The following CFAP61 variants were observed in gnomAD, a reference collection of about 807,000 sequenced individuals.
The protein encoded by CFAP61 is cilia and flagella associated protein 61, also known as cilia- and flagella-associated protein 61.
CFAP61 carries 107 observed loss-of-function variants against 135.6 expected under a neutral mutation model. The ratio of observed to expected loss-of-function variants is 0.79; its 90% confidence interval spans 0.67 to 0.93. The LOEUF is 0.93. CFAP61 is among the 40% of genes least tolerant of loss of function. CFAP61 has a pLI of 0.00. For synonymous variants in CFAP61, 575 were observed against 578.5 expected (o/e 0.99, Z 0.09); for missense variants, 1,507 against 1,556.2 (o/e 0.97, Z 0.53).
At chr20:20,310,774 T>A (rs2056775210) in intron 25 of CFAP61, among the ~76,000 whole-genome samples, 1 of 152,174 alleles carries the variant, frequency 6.6e-6, no homozygotes, top group Admixed American at 6.5e-5. Flanking sequence ...GCAAAATGGG[T>A]ACACTAAGCC....
At chr20:20,251,505 A>C in intron 19 of CFAP61, 90 bp from the exon 20 acceptor site, 3 of 1,253,086 alleles carry the variant, frequency 2.4e-6, no homozygotes, top group South Asian at 1.3e-5. Context: ...GACTCAGCCC[A>C]CTAGGGGACT....
At chr20:20,053,789 A>G (rs2043983495) in intron 1 of CFAP61, among the ~76,000 whole-genome samples, 2 of 152,294 alleles carry the variant, frequency 1.3e-5, no homozygotes, top group East Asian at 1.9e-4. Context: ...AAAGCCACCT[A>G]ACAAAATAAA....
chr20:20,150,119 C>T (rs1436572400), intron 9 of CFAP61, among the ~76,000 whole-genome samples: 3 of 152,056 alleles, frequency 2.0e-5, no homozygotes, highest in South Asian at 2.1e-4. Flanking sequence ...CCCCCACTTC[C>T]CTGGTGACAG....
chr20:20,124,721 C>G (rs1470147532), intron 8 of CFAP61, among the ~76,000 whole-genome samples: 1 of 150,904 alleles, frequency 6.6e-6, no homozygotes, highest in Admixed American at 6.6e-5. Flanking sequence ...ATGTCCTTTC[C>G]TGGTTCATCC....
intron 9 of CFAP61, among the ~76,000 whole-genome samples, chr20:20,156,244 A>C (rs2052897894): frequency 6.6e-6 from 1 of 152,218 alleles, no homozygotes; most frequent in Non-Finnish European, 1.5e-5. Flanking sequence ...CTAGGAATGC[A>C]AGTTTGGTTT....
intron 26 of CFAP61, among the ~76,000 whole-genome samples, chr20:20,344,929 G>A (rs1030120838): frequency 2.6e-5 from 4 of 152,112 alleles, no homozygotes; most frequent in Admixed American, 6.5e-5. Context: ...ATAAAAATAA[G>A]GAAATCCTGT....
Position 20,118,344 on chromosome 20 carries a change from CT to C in CFAP61, c.859+19544del, listed in dbSNP as rs749767956. Among the ~76,000 whole-genome samples the C allele has an allele frequency of 5.5e-3, 618 of 111,992 alleles. 4 individuals carry two copies. The highest frequency in any genetic ancestry group is 8.7e-3 in the Non-Finnish European group (457 of 52,816). 73.5% of individuals were successfully genotyped at this position (111,992 alleles called of 152,430 possible). ...TGTCTCTCTCTCTGTCTTTCTTCTT[CT>C]TTTTTTTTTTTTTAAACAGGGTTTC... is the stretch of plus-strand genomic sequence containing the variant. On this transcript the variant is annotated intron_variant, in intron 8 of 26. Transcript: ENST00000245957.
rs71198052 is a variant in CFAP61 at position 20,348,689 on chromosome 20, C to CAAAA, written c.3513+6787_3513+6790dup. On this transcript the variant is annotated intron_variant, in intron 26 of 26. Transcript: ENST00000245957. ...TGGGCAATAGAGCAAGACTCCGTAT[C>CAAAA]AAAAAAAAAAAAAAAAAAAAAAGAA... Among the ~76,000 whole-genome samples the CAAAA allele has an allele frequency of 1.5e-3, 78 of 53,422 alleles. 5 individuals carry two copies. The highest frequency in any genetic ancestry group is 4.8e-3 in the African/African-American group (66 of 13,620). The allele number at this position is 53,422 out of a possible 152,430, so 35.0% of individuals were successfully genotyped here.
intron 13 of CFAP61, among the ~76,000 whole-genome samples, chr20:20,173,823 A>T (rs2054404015): frequency 6.6e-6 from 1 of 152,158 alleles, no homozygotes; most frequent in Non-Finnish European, 1.5e-5. Flanking sequence ...GACACTGGAG[A>T]TGGAGAGCAA....
intron 6 of CFAP61, among the ~76,000 whole-genome samples, chr20:20,089,725 A>G (rs931161631): frequency 1.3e-5 from 2 of 152,196 alleles, no homozygotes; most frequent in Admixed American, 6.5e-5. Context: ...AGCCTCCCCA[A>G]GCTGCAATAA....
intron 8 of CFAP61, among the ~76,000 whole-genome samples, chr20:20,114,666 T>G (rs1041746605): frequency 3.9e-5 from 6 of 152,216 alleles, no homozygotes; most frequent in African/African-American, 1.4e-4. Flanking sequence ...AATTCTAAGA[T>G]TTATCTGTAT....
In CFAP61 at chr20:20,056,598, T is replaced by C. The variant is rs145814523; in HGVS notation, c.-36-20T>C. 18,439 of 1,566,142 alleles carry C rather than the reference T, an allele frequency of 0.012. 121 individuals carry two copies. The highest frequency in any genetic ancestry group is 0.014 in the Non-Finnish European group (16,201 of 1,144,798). On this transcript the variant is annotated intron_variant, in intron 1 of 26. Transcript: ENST00000245957. Reference sequence around the variant, plus strand: ...TTGTGTGTATTATAACCAAACTGGCTTATCATATCAGATTAATAGTGGACT... The same window carrying C: ...TTGTGTGTATTATAACCAAACTGGCCTATCATATCAGATTAATAGTGGACT...
intron 9 of CFAP61, among the ~76,000 whole-genome samples, chr20:20,146,805 G>A (rs1183833442): frequency 6.6e-6 from 1 of 152,116 alleles, no homozygotes; most frequent in Admixed American, 6.6e-5. Context: ...GTGGTTTTTG[G>A]TTACCTGGAT....
At chr20:20,065,568 CT>C (rs1486703673) in intron 2 of CFAP61, among the ~76,000 whole-genome samples, 1 of 150,228 alleles carries the variant, frequency 6.7e-6, no homozygotes, top group Non-Finnish European at 1.5e-5. Context: ...CTCCTGTCCC[CT>C]GGCCAAGTCA....
chr20:20,339,681 C>T (rs2058363559), intron 25 of CFAP61, among the ~76,000 whole-genome samples: 2 of 152,162 alleles, frequency 1.3e-5, no homozygotes, highest in East Asian at 1.9e-4. Flanking sequence ...GGGGGTCTCA[C>T]TGTGTTATCC....
At chr20:20,247,921 G>GT (rs1452703510) in intron 19 of CFAP61, among the ~76,000 whole-genome samples, 2 of 151,894 alleles carry the variant, frequency 1.3e-5, no homozygotes, top group Non-Finnish European at 2.9e-5. Context: ...ACTCTGCTCT[G>GT]TTTTTTTCTT....
At chr20:20,349,026 C>T (rs2058740348) in intron 26 of CFAP61, among the ~76,000 whole-genome samples, 1 of 152,164 alleles carries the variant, frequency 6.6e-6, no homozygotes, top group Admixed American at 6.5e-5. Flanking sequence ...ATATAAAAGA[C>T]ATCCACACTG....
chr20:20,075,564 A>C lies in CFAP61; in HGVS notation c.515A>C (p.His172Pro), dbSNP rs371474647. 1 of 1,614,172 alleles carries C rather than the reference A, an allele frequency of 6.2e-7. No homozygotes were observed. The highest frequency in any genetic ancestry group is 8.5e-7 in the Non-Finnish European group (1 of 1,179,998). The change falls in exon 6 of 27, where the codon CAT (histidine) becomes CCT (proline). Residue 172 changes from histidine to proline, a missense_variant. Coordinates refer to ENST00000245957, the MANE Select transcript of CFAP61 (RefSeq NM_015585.4). ...ACGTATGAGGAAGACTTTGCAGTGC[A>C]TATATGTCACAGGCACAGCCACTAT... ...CLTYEEDFAV[H>P]ICHRHSHYPQ...
At chr20:20,216,546 C>T (rs1415007047) in intron 17 of CFAP61, among the ~76,000 whole-genome samples, 5 of 152,226 alleles carry the variant, frequency 3.3e-5, no homozygotes, top group Non-Finnish European at 7.3e-5. Context: ...AGCAGCAACC[C>T]ACATCCCTGC....
Sources: allele counts gnomAD v4.1 joint callset (sites outside exome capture counted in the v4.1 genomes callset), GRCh38; gene constraint gnomAD v4.1.1; transcripts MANE v1.5; gene names NCBI Gene and HGNC (gene_info 2026-07-23, HGNC 2026-07-21).